FARS2: variants seen among roughly 807,000 people sequenced by gnomAD.
FARS2 encodes the protein phenylalanyl-tRNA synthetase 2, mitochondrial.
FARS2 carries 40 observed loss-of-function variants against 46.4 expected under a neutral mutation model. The observed-to-expected ratio is 0.86, with a 90% confidence interval of 0.67 to 1.12. The LOEUF is 1.12. FARS2 is among the 50% of genes most tolerant of loss of function. The probability of loss-of-function intolerance (pLI) is 0.00; values close to 1 mark genes in which losing one functional copy is unlikely to be tolerated. For synonymous variants in FARS2, 234 were observed against 214.9 expected, an observed-to-expected ratio of 1.09 and a Z score of -0.78; for missense variants, 513 against 567.9, an observed-to-expected ratio of 0.90 and a Z score of 0.98.
chr6:5,591,711 A>G (rs1401214498), intron 5 of FARS2, among the ~76,000 whole-genome samples: 1 of 152,180 alleles, frequency 6.6e-6, no homozygotes, highest in Non-Finnish European at 1.5e-5. Flanking sequence ...TCCTGCCATT[A>G]TACAATCATC....
At chr6:5,704,489 G>T (rs918473199) in intron 6 of FARS2, among the ~76,000 whole-genome samples, 1 of 152,170 alleles carries the variant, frequency 6.6e-6, no homozygotes, top group Non-Finnish European at 1.5e-5. Flanking sequence ...GACTGTCTTG[G>T]TCACTTTTCA....
At position 5,369,029 on chromosome 6, in the gene FARS2, A is replaced by G. The variant is rs1353638478; in HGVS notation, c.459A>G (p.Arg153=). The change falls in exon 2 of 7, where the codon AGA becomes AGG. Residue 153 remains arginine, a synonymous_variant. Transcript: ENST00000274680. ...NYYLNRTHML[R]AHTSAHQWDL... is the part of the protein sequence containing the mutation. ...ACCTGAATCGGACTCACATGCTGAG[A>G]GCGCACACGTCTGCACACCAGTGGG... The G allele has an allele frequency of 1.9e-6, 3 of 1,614,040 alleles. No individual in the cohort carries two copies. The highest frequency in any genetic ancestry group is 1.7e-5 in the Admixed American group (1 of 60,004).
intron 1 of FARS2, among the ~76,000 whole-genome samples, chr6:5,359,619 A>G (rs1758175414): frequency 6.6e-6 from 1 of 152,180 alleles, no homozygotes; most frequent in African/African-American, 2.4e-5. Flanking sequence ...ACTCATTAAT[A>G]TTGTGTTGGG....
intron 2 of FARS2, among the ~76,000 whole-genome samples, chr6:5,386,211 A>T (rs1032531122): frequency 3.9e-5 from 6 of 152,124 alleles, no homozygotes; most frequent in Non-Finnish European, 8.8e-5. Flanking sequence ...AAGAAGGGGC[A>T]CTGTGTTTCA....
chr6:5,622,351 AT>A (rs1468930563), intron 6 of FARS2, among the ~76,000 whole-genome samples: 1 of 152,148 alleles, frequency 6.6e-6, no homozygotes, highest in East Asian at 1.9e-4. Context: ...TTTATTCTCT[AT>A]TTGCATTTAA....
intron 5 of FARS2, among the ~76,000 whole-genome samples, chr6:5,573,055 C>T (rs1406189439): frequency 6.6e-6 from 1 of 152,168 alleles, no homozygotes; most frequent in East Asian, 1.9e-4. Flanking sequence ...CTGCCTCGCC[C>T]CCTGCTCCCT....
At chr6:5,329,357 A>G (rs1770628931) in intron 1 of FARS2, among the ~76,000 whole-genome samples, 1 of 152,110 alleles carries the variant, frequency 6.6e-6, no homozygotes, top group African/African-American at 2.4e-5. Context: ...ATTCACCAGT[A>G]TTTTTCAATT....
chr6:5,391,450 T>C (rs1283396292), intron 2 of FARS2, among the ~76,000 whole-genome samples: 2 of 152,292 alleles, frequency 1.3e-5, no homozygotes, highest in South Asian at 4.1e-4. Context: ...GTACTGCAAG[T>C]GGCAGTGAAG....
At chr6:5,494,448 T>C (rs1767327726) in intron 4 of FARS2, among the ~76,000 whole-genome samples, 1 of 152,228 alleles carries the variant, frequency 6.6e-6, no homozygotes, top group African/African-American at 2.4e-5. Context: ...TTTGAAACTC[T>C]GCGTGTTTAG....
At chr6:5,616,649 A>G (rs1775493844) in intron 6 of FARS2, among the ~76,000 whole-genome samples, 1 of 152,256 alleles carries the variant, frequency 6.6e-6, no homozygotes, top group South Asian at 2.1e-4. Context: ...TGTGCATAAA[A>G]TAAAGTTTAT....
intron 6 of FARS2, among the ~76,000 whole-genome samples, chr6:5,650,486 A>G (rs1777298959): frequency 6.6e-6 from 1 of 152,070 alleles, no homozygotes; most frequent in Non-Finnish European, 1.5e-5. Flanking sequence ...CGGCATGGTG[A>G]GCTTTGGTGA....
At chr6:5,665,692 G>T (rs1384786243) in intron 6 of FARS2, among the ~76,000 whole-genome samples, 1 of 152,202 alleles carries the variant, frequency 6.6e-6, no homozygotes, top group Non-Finnish European at 1.5e-5. Context: ...ATAAGGGGCT[G>T]AGATGCATTT....
intron 6 of FARS2, among the ~76,000 whole-genome samples, chr6:5,661,477 G>A (rs911704209): frequency 1.3e-5 from 2 of 152,154 alleles, no homozygotes; most frequent in African/African-American, 4.8e-5. Context: ...TGGAACTAGG[G>A]CCCTTGGTGG....
chr6:5,533,477 C>T (rs1326395575), intron 4 of FARS2, among the ~76,000 whole-genome samples: 1 of 152,144 alleles, frequency 6.6e-6, no homozygotes, highest in African/African-American at 2.4e-5. Context: ...CCATACTATT[C>T]TGTTGTTTCT....
chr6:5,766,866 C>A (rs1255146174), intron 6 of FARS2, among the ~76,000 whole-genome samples: 1 of 151,800 alleles, frequency 6.6e-6, no homozygotes, highest in Non-Finnish European at 1.5e-5. Flanking sequence ...TCTATAGATT[C>A]CCCTTTTCTG....
chr6:5,338,668 G>T (rs1461608842), intron 1 of FARS2, among the ~76,000 whole-genome samples: 1 of 139,022 alleles, frequency 7.2e-6, no homozygotes, highest in Non-Finnish European at 1.5e-5. Flanking sequence ...GGCACTTCAT[G>T]GCATTCTCTA....
intron 4 of FARS2, among the ~76,000 whole-genome samples, chr6:5,488,642 G>GGGAGAATGGCGTGA (rs1554100840): frequency 1.1e-4 from 16 of 149,250 alleles, no homozygotes; most frequent in Admixed American, 2.0e-4. Flanking sequence ...TGGAGCATAA[G>GGGAGAATGGCGTGA]AGTTTAGTTG....
the FARS2 span, among the ~76,000 whole-genome samples, chr6:5,252,578 A>C: frequency 6.6e-6 from 1 of 152,090 alleles, no homozygotes; most frequent in Non-Finnish European, 1.5e-5. Context: ...TTGCCTAATC[A>C]ATAGTTCTTC....
chr6:5,344,997 G>A (rs1757138006), intron 1 of FARS2, among the ~76,000 whole-genome samples: 1 of 151,736 alleles, frequency 6.6e-6, no homozygotes, highest in African/African-American at 2.4e-5. Context: ...TTACCATGTT[G>A]GCCAGGGTGG....
Sources: gnomAD v4.1 joint callset for allele counts (sites outside exome capture counted in the v4.1 genomes callset) on GRCh38, gnomAD v4.1.1 for gene constraint, MANE v1.5 for transcripts, NCBI Gene and HGNC (gene_info 2026-07-23, HGNC 2026-07-21) for gene names.